Variants in PRKCB observed in about 807,000 individuals in gnomAD.
PRKCB encodes the protein protein kinase C beta.
A neutral mutation model predicts 81.5 loss-of-function variants in PRKCB; 13 were observed. The ratio of observed to expected loss-of-function variants is 0.16; its 90% confidence interval spans 0.10 to 0.25. PRKCB has a LOEUF of 0.25. Ranked by LOEUF, PRKCB falls within the 10% of genes least tolerant of loss-of-function variation. The pLI is 1.00. For synonymous variants in PRKCB, 335 were observed against 321.4 expected, an observed-to-expected ratio of 1.04 and a Z score of -0.45; for missense variants, 509 against 875.7, an observed-to-expected ratio of 0.58 and a Z score of 5.29.
At chr16:24,208,902 A>G (rs1968089638) in intron 16 of PRKCB, among the ~76,000 whole-genome samples, 1 of 152,162 alleles carries the variant, frequency 6.6e-6, no homozygotes, top group Admixed American at 6.5e-5. Flanking sequence ...TAGCAGGGAA[A>G]TCACGCTCCC....
chr16:23,848,924 C>T (rs184269179), intron 2 of PRKCB, among the ~76,000 whole-genome samples: 205 of 152,274 alleles, frequency 1.3e-3, no homozygotes, highest in Non-Finnish European at 2.4e-3. Flanking sequence ...AGTTTATAAT[C>T]CTGTTGGGGA....
intron 10 of PRKCB, among the ~76,000 whole-genome samples, chr16:24,163,403 T>C (rs1424198944): frequency 6.6e-6 from 1 of 152,136 alleles, no homozygotes; most frequent in African/African-American, 2.4e-5. Context: ...GTACAGGAAA[T>C]GAATCAGAAA....
chr16:24,052,055 A>G (rs1236531460), intron 5 of PRKCB, among the ~76,000 whole-genome samples: 1 of 151,614 alleles, frequency 6.6e-6, no homozygotes, highest in Non-Finnish European at 1.5e-5. Flanking sequence ...GGTTGCAGTG[A>G]GCAAGCGAGA....
chr16:24,191,640 T>G (rs1967795554), intron 16 of PRKCB: 1 of 158,168 alleles, frequency 6.3e-6, no homozygotes, highest in Non-Finnish European at 1.4e-5. Context: ...GGTCATGTTG[T>G]TTATCTCAAC....
intron 2 of PRKCB, among the ~76,000 whole-genome samples, chr16:23,860,412 C>T (rs936352279): frequency 3.3e-5 from 5 of 151,966 alleles, no homozygotes; most frequent in East Asian, 3.9e-4. Flanking sequence ...GTGCCATATC[C>T]GGGTGTAGGT....
rs540829257 is a variant in PRKCB, at chr16:24,151,701, G to A, written c.1066-2983G>A. ...AGTCGAATGTTCAAAGGAAAAGAAA[G>A]AACAGGATGTGGTCATGGAATTGTT... On this transcript the variant is annotated intron_variant, in intron 9 of 16. Coordinates refer to ENST00000643927, the MANE Select transcript of PRKCB (RefSeq NM_002738.7). 7 of 428,838 alleles carry A rather than the reference G, an allele frequency of 1.6e-5. No homozygotes were observed. In the East Asian group the frequency reaches 5.0e-4, roughly 30 times the overall value. 26.6% of individuals were successfully genotyped at this position (428,838 alleles called of 1,614,324 possible). A position where few individuals can be genotyped will look rare whatever the true frequency, so the allele number is the denominator to read the frequency against.
chr16:23,859,884 A>AG (rs1288920714), intron 2 of PRKCB, among the ~76,000 whole-genome samples: 32 of 149,484 alleles, frequency 2.1e-4, no homozygotes, highest in African/African-American at 7.7e-4. Context: ...AGAGAGAGAG[A>AG]AAGAGAGAGA....
Position 24,036,273 on chromosome 16 carries a change from C to A in PRKCB, c.529+726C>A, listed in dbSNP as rs566350150. Among the ~76,000 whole-genome samples the A allele has an allele frequency of 2.6e-5, 4 of 151,978 alleles. No homozygotes were observed. The East Asian group carries it at 7.7e-4, about 29-fold the overall frequency. On this transcript the variant is annotated intron_variant, in intron 5 of 16. Transcript: ENST00000643927. ...CATGTATCCCAGCATTCAAGACATA[C>A]CTGGCTCTGATATGGGAAGTTCAAG... is the stretch of plus-strand genomic sequence containing the variant.
At chr16:23,852,813 A>G (rs1016440583) in intron 2 of PRKCB, among the ~76,000 whole-genome samples, 18 of 152,210 alleles carry the variant, frequency 1.2e-4, no homozygotes, top group African/African-American at 3.6e-4. Flanking sequence ...TCCTGAACTT[A>G]TGCCCACTTT....
intron 10 of PRKCB, among the ~76,000 whole-genome samples, chr16:24,164,086 A>G (rs1395976138): frequency 6.6e-6 from 1 of 152,246 alleles, no homozygotes; most frequent in African/African-American, 2.4e-5. Flanking sequence ...GGAGCATGGT[A>G]CATAGAGCTG....
chr16:23,998,579 T>G (rs576291903), intron 3 of PRKCB, among the ~76,000 whole-genome samples: 1 of 152,348 alleles, frequency 6.6e-6, no homozygotes, highest in Admixed American at 6.5e-5. Context: ...AATCCATTTA[T>G]GCCTTAGATT....
chr16:24,021,207 T>C (rs534975846), intron 3 of PRKCB, among the ~76,000 whole-genome samples: 69 of 73,364 alleles, frequency 9.4e-4, no homozygotes, highest in Middle Eastern at 9.8e-3. Flanking sequence ...TCTTTCTTTC[T>C]TTCTTTCTTT....
chr16:24,186,051 A>G (rs554656015), intron 15 of PRKCB, among the ~76,000 whole-genome samples: 105 of 152,218 alleles, frequency 6.9e-4, no homozygotes, highest in Non-Finnish European at 1.3e-3. Context: ...CTGAAATTCA[A>G]TGTACTCAAA....
chr16:24,057,808 T>G (rs2141874919), intron 5 of PRKCB, among the ~76,000 whole-genome samples: 1 of 152,304 alleles, frequency 6.6e-6, no homozygotes, highest in South Asian at 2.1e-4. Flanking sequence ...GTGGGCGCTT[T>G]GTCTATTTTC....
At chr16:24,115,892 A>AT (rs1966732456) in intron 8 of PRKCB, among the ~76,000 whole-genome samples, 1 of 151,722 alleles carries the variant, frequency 6.6e-6, no homozygotes, top group Admixed American at 6.6e-5. Context: ...CGCCTGCCTA[A>AT]TTTTTTGTAT....
intron 2 of PRKCB, among the ~76,000 whole-genome samples, chr16:23,882,364 G>A (rs1176459016): frequency 6.6e-6 from 1 of 151,232 alleles, no homozygotes; most frequent in African/African-American, 2.4e-5. Flanking sequence ...GATTACAGGT[G>A]CACACTACCA....
intron 2 of PRKCB, among the ~76,000 whole-genome samples, chr16:23,887,185 C>T (rs1262895677): frequency 1.3e-5 from 2 of 152,024 alleles, no homozygotes; most frequent in African/African-American, 4.8e-5. Flanking sequence ...AATAAAATGC[C>T]CCATTCTTTG....
chr16:24,174,023 G>T (rs371055320), intron 11 of PRKCB, among the ~76,000 whole-genome samples: 23 of 151,802 alleles, frequency 1.5e-4, no homozygotes, highest in South Asian at 8.3e-4. Flanking sequence ...TTTTGGGGGG[G>T]TGGGGGACAG....
intron 8 of PRKCB, among the ~76,000 whole-genome samples, chr16:24,114,156 G>A (rs1378304841): frequency 2.0e-5 from 3 of 149,532 alleles, no homozygotes; most frequent in Admixed American, 2.0e-4. Flanking sequence ...AGAGGCTGCA[G>A]TGAGCCAAGA....
Sources: gnomAD v4.1 joint callset for allele counts (sites outside exome capture counted in the v4.1 genomes callset) on GRCh38, gnomAD v4.1.1 for gene constraint, MANE v1.5 for transcripts, NCBI Gene and HGNC (gene_info 2026-07-23, HGNC 2026-07-21) for gene names.